The following TLN1 variants were observed in gnomAD, a reference collection of about 807,000 sequenced individuals.
The protein encoded by TLN1 is talin 1.
In TLN1, 56 loss-of-function variants were observed where a neutral mutation model predicts 292.3. The observed-to-expected ratio is 0.19, with a 90% confidence interval of 0.15 to 0.24. TLN1 has a LOEUF of 0.24. Ranked by LOEUF, TLN1 falls within the 10% of genes least tolerant of loss-of-function variation. The pLI is 1.00. For synonymous variants in TLN1, 1,119 were observed against 1,253.7 expected (o/e 0.89, Z 2.27); for missense variants, 2,433 against 3,248.2 (o/e 0.75, Z 6.10).
intron 48 of TLN1, 53 bp from the exon 49 acceptor site, chr9:35,700,429 A>T: frequency 6.5e-7 from 1 of 1,536,344 alleles, no homozygotes; most frequent in Non-Finnish European, 8.8e-7. Context: ...ACTATGAGAC[A>T]GCGTAGAACT....
rs767185629 is a variant in TLN1, at chr9:35,708,300, C to T, written c.4470+41G>A. Reference sequence around the variant, plus strand: ...CTCTACTCCACGGGGTCGGTCTGCCCTTTCCCAGACTCGCCTGTGGTCCCT... The same window carrying T: ...CTCTACTCCACGGGGTCGGTCTGCCTTTTCCCAGACTCGCCTGTGGTCCCT... On this transcript the variant is annotated intron_variant, in intron 34 of 56. Coordinates refer to ENST00000314888, the MANE Select transcript of TLN1 (RefSeq NM_006289.4). 2.8e-5 allele frequency: 44 copies of T among 1,554,102 alleles called. 4 individuals carry two copies. The Middle Eastern group carries it at 1.0e-3, about 35-fold the overall frequency.
chr9:35,714,622 G>T lies in TLN1; in HGVS notation c.2937C>A (p.Ser979Arg), dbSNP rs756617846. The T allele has an allele frequency of 6.2e-7, 1 of 1,613,332 alleles. No homozygotes were observed. The highest frequency in any genetic ancestry group is 2.2e-5 in the East Asian group (1 of 44,888). Reference sequence around the variant, plus strand: ...CAATGAGGGCAAGCTGAGCGCTGGGGCTGTCAGGCTGGGCTTGGCTTCCTC... The same window carrying T: ...CAATGAGGGCAAGCTGAGCGCTGGGTCTGTCAGGCTGGGCTTGGCTTCCTC... The part of the protein sequence containing the change: ...GVRGSQAQPD[S>R]PSAQLALIAA... The change falls in exon 23 of 57, where the codon AGC (serine) becomes AGA (arginine). Residue 979 changes from serine to arginine, a missense_variant. Transcript: ENST00000314888. This position sits in a 1 kb window ranked among gnomAD's most constrained non-coding sequence, Gnocchi z 4.6.
chr9:35,704,588 G>A lies in TLN1; in HGVS notation c.5880+81C>T. ...CCTGGGAGAAGTGACAACAGGAGAGGGCTGAGAGGGCTGGAGGAGGATGGC... is the reference window on the plus strand; with the variant it reads ...CCTGGGAGAAGTGACAACAGGAGAGAGCTGAGAGGGCTGGAGGAGGATGGC... On this transcript the variant is annotated intron_variant, in intron 44 of 56. Transcript: ENST00000314888. The surrounding 1 kb of genome is among the most constrained non-coding windows in gnomAD (Gnocchi z 6.9). The A allele has an allele frequency of 6.3e-7, 1 of 1,593,522 alleles. No homozygotes were observed. Among genetic ancestry groups the A allele is most frequent in the Non-Finnish European group, 8.6e-7 (1 of 1,168,518 alleles).
At chr9:35,729,732 C>T (rs1469511168) in intron 1 of TLN1, among the ~76,000 whole-genome samples, 1 of 152,146 alleles carries the variant, frequency 6.6e-6, no homozygotes, top group Non-Finnish European at 1.5e-5. Context: ...AGTCCCACAG[C>T]TTCCTATCAT....
chr9:35,715,564 A>G lies in TLN1; in HGVS notation c.2626-377T>C, dbSNP rs994803271. Among the ~76,000 whole-genome samples, 4 of 152,244 alleles carry G rather than the reference A, an allele frequency of 2.6e-5. No homozygotes were observed. In the East Asian group the frequency reaches 5.8e-4, roughly 22 times the overall value. On this transcript the variant is annotated intron_variant, in intron 20 of 56. Transcript: ENST00000314888. Reference sequence around the variant, plus strand: ...TTACTCCTGCCAACTGAAAAGCCCCAGAGTCCAGGGGGCCTAGGAATCATC... The same window carrying G: ...TTACTCCTGCCAACTGAAAAGCCCCGGAGTCCAGGGGGCCTAGGAATCATC...
intron 48 of TLN1, 41 bp downstream of exon 48, chr9:35,703,519 C>G: frequency 6.4e-7 from 1 of 1,565,988 alleles, no homozygotes; most frequent in Non-Finnish European, 8.8e-7. Flanking sequence ...CAGGATCCCT[C>G]TCTCTGACCC....
At chr9:35,716,906 C>T (rs571199632) in intron 19 of TLN1, among the ~76,000 whole-genome samples, 21 of 152,214 alleles carry the variant, frequency 1.4e-4, no homozygotes, top group African/African-American at 3.9e-4. Flanking sequence ...TATTTTTGTG[C>T]GTACTTTGGT....
Position 35,725,573 on chromosome 9 carries a change from G to A in TLN1, c.122C>T (p.Ala41Val), listed in dbSNP as rs1362657311. 1 of 1,613,072 alleles carries A rather than the reference G, an allele frequency of 6.2e-7. No homozygotes were observed. The highest frequency in any genetic ancestry group is 8.5e-7 in the Non-Finnish European group (1 of 1,179,436). Residue 41 changes from alanine to valine, a missense_variant, in exon 2 of 57, where the codon GCT (alanine) becomes GTT (valine). By Grantham distance (64) the Ala-to-Val change is moderately conservative (BLOSUM62 0). Around this residue, in one of 7 missense-constraint regions of TLN1, gnomAD observed 155 missense variants for 287.9 expected, o/e 0.54. Coordinates refer to ENST00000314888, the MANE Select transcript of TLN1 (RefSeq NM_006289.4). ...IIRERIPEAPAGPPSDFGLFL... is the reference protein window; with the variant it reads ...IIRERIPEAPVGPPSDFGLFL... ...GGGGGAGTCAGACTCACGAGGACCA[G>A]CTGGGGCCTCTGGGATCCGCTCACG... is the stretch of plus-strand genomic sequence containing the variant.
chr9:35,706,240 G>A lies in TLN1; in HGVS notation c.5317C>T (p.Leu1773=). The change falls in exon 40 of 57, where the codon CTG becomes TTG. Residue 1773 remains leucine (L), a synonymous_variant. Transcript: ENST00000314888. This position sits in a 1 kb window ranked among gnomAD's most constrained non-coding sequence, Gnocchi z 4.2. The part of the protein sequence containing the change: ...DQTKTLAESA[L]QLLYTAKEAG... Reference sequence around the variant, plus strand: ...TCCTTGGCAGTGTATAGCAACTGCAGGGCAGACTCTGCCAATGTTTTAGTC... The same window carrying A: ...TCCTTGGCAGTGTATAGCAACTGCAAGGCAGACTCTGCCAATGTTTTAGTC... 1.9e-6 allele frequency: 3 copies of A among 1,612,410 alleles called. No homozygotes were observed. The highest frequency in any genetic ancestry group is 1.3e-5 in the African/African-American group (1 of 75,046).
At position 35,708,346 on chromosome 9, in the gene TLN1, C is replaced by T. The variant is rs1157769681; in HGVS notation, c.4465G>A (p.Ala1489Thr). Residue 1489 changes from alanine to threonine, a missense_variant, in exon 34 of 57, where the codon GCC (alanine) becomes ACC (threonine). Around this residue, in one of 7 missense-constraint regions of TLN1, gnomAD observed 1,384 missense variants for 1,699.6 expected, o/e 0.81. Transcript: ENST00000314888. ...TCCCTGTTCCCTTGAGTTACCTGGGCCTGGGTACAGCCAGGCTCTCCCAAA... is the reference window on the plus strand; with the variant it reads ...TCCCTGTTCCCTTGAGTTACCTGGGTCTGGGTACAGCCAGGCTCTCCCAAA... ...QSLGEPGCTQAQVLSAATIVA... is the reference protein window; with the variant it reads ...QSLGEPGCTQTQVLSAATIVA... The T allele has an allele frequency of 6.2e-7, 1 of 1,604,400 alleles. No individual in the cohort carries two copies. Among genetic ancestry groups the T allele is most frequent in the Admixed American group, 1.7e-5 (1 of 58,678 alleles).
intron 9 of TLN1, 33 bp from the exon 10 acceptor site, chr9:35,721,836 G>A (rs1211018101): frequency 6.2e-7 from 1 of 1,600,516 alleles, no homozygotes; most frequent in Non-Finnish European, 8.6e-7. Flanking sequence ...GGTGTTACAG[G>A]TCAGAGGTCA....
rs950330552 is a variant in TLN1 at position 35,710,980 on chromosome 9, T to C, written c.4113+9A>G. The C allele has an allele frequency of 1.9e-6, 3 of 1,614,138 alleles. No individual in the cohort carries two copies. The highest frequency in any genetic ancestry group is 1.7e-5 in the Admixed American group (1 of 60,020). The stretch of plus-strand genomic sequence containing the variant: ...CAACCTCAATGCCATCAGCCTGCCA[T>C]GTGTCTACCTCCAATTCCCGCAGGG... On this transcript the variant is annotated intron_variant, in intron 31 of 56. Coordinates refer to ENST00000314888, the MANE Select transcript of TLN1 (RefSeq NM_006289.4).
chr9:35,730,505 A>ATGGGAGTAGGGGGGG, intron 1 of TLN1, among the ~76,000 whole-genome samples: 1 of 152,018 alleles, frequency 6.6e-6, no homozygotes, highest in African/African-American at 2.4e-5. Context: ...ACAGCAGGGG[A>ATGGGAGTAGGGGGGG]TGGGAGTAGG....
chr9:35,710,451 T>C, intron 33 of TLN1, 110 bp downstream of exon 33: 3 of 1,464,316 alleles, frequency 2.0e-6, no homozygotes, highest in Non-Finnish European at 2.7e-6. Context: ...TTCCATAGAG[T>C]TGGCTTTGCA....
rs1245395603 is a variant in TLN1, at chr9:35,713,291, T to C, written c.3257A>G (p.Lys1086Arg). 1.3e-6 allele frequency: 2 copies of C among 1,588,758 alleles called. No homozygotes were observed. The highest frequency in any genetic ancestry group is 8.6e-7 in the Non-Finnish European group (1 of 1,159,046). ...GCTGTTGCCCAGGTCCTGGGTACACTTCTCCATCTAAGGATGAAGGGGGAA... is the reference window on the plus strand; with the variant it reads ...GCTGTTGCCCAGGTCCTGGGTACACCTCTCCATCTAAGGATGAAGGGGGAA... ...LKPLPGETMEKCTQDLGNSTK... is the reference protein window; with the variant it reads ...LKPLPGETMERCTQDLGNSTK... The change falls in exon 26 of 57, where the codon AAG (lysine) becomes AGG (arginine). Residue 1086 changes from lysine to arginine, a missense_variant. Physicochemically the swap from Lys to Arg is conservative, Grantham distance 26 (BLOSUM62 2). This residue lies in a region of TLN1 where 1,384 missense variants were observed against 1,699.6 expected (regional missense o/e 0.81). Transcript: ENST00000314888.
At chr9:35,730,341 G>A (rs1826051782) in intron 1 of TLN1, among the ~76,000 whole-genome samples, 1 of 151,310 alleles carries the variant, frequency 6.6e-6, no homozygotes, top group Non-Finnish European at 1.5e-5. Context: ...TGGGAGTGAA[G>A]TGGGGGTGTG....
Position 35,704,289 on chromosome 9 carries a change from GC to G in TLN1, c.6047+42del, listed in dbSNP as rs752160659. The G allele has an allele frequency of 1.3e-6, 2 of 1,598,848 alleles. No individual in the cohort carries two copies. Among genetic ancestry groups the G allele is most frequent in the South Asian group, 2.3e-5 (2 of 87,996 alleles). The stretch of plus-strand genomic sequence containing the variant: ...GCTATCCTGCCTCTTCCAGCCCCGT[GC>G]CCCGACCTGTCTGCCTCCCTTAGGC... On this transcript the variant is annotated intron_variant, in intron 45 of 56. Transcript: ENST00000314888. This position sits in a 1 kb window ranked among gnomAD's most constrained non-coding sequence, Gnocchi z 6.9.
In TLN1 at chr9:35,699,628, C is replaced by G. The variant is rs1346839395; in HGVS notation, c.6769-167G>C. 1.0e-6 allele frequency: 1 copy of G among 985,382 alleles called. No individual in the cohort carries two copies. The highest frequency in any genetic ancestry group is 1.1e-4 in the East Asian group (1 of 8,808). The allele number at this position is 985,382 out of a possible 1,614,324, so 61.0% of individuals were successfully genotyped here. ...CAAGTACACATCATGCATCACACCTCACACGTGATAGAGACAGTGGGGCTG... is the reference window on the plus strand; with the variant it reads ...CAAGTACACATCATGCATCACACCTGACACGTGATAGAGACAGTGGGGCTG... On this transcript the variant is annotated intron_variant, in intron 50 of 56. Transcript: ENST00000314888. The surrounding 1 kb of genome is among the most constrained non-coding windows in gnomAD (Gnocchi z 4.0).
At position 35,707,061 on chromosome 9, in the gene TLN1, T is replaced by C. The variant is rs756297816; in HGVS notation, c.4955+11A>G. The C allele has an allele frequency of 6.2e-7, 1 of 1,611,142 alleles. No homozygotes were observed. The highest frequency in any genetic ancestry group is 1.1e-5 in the South Asian group (1 of 90,788). On this transcript the variant is annotated intron_variant, in intron 37 of 56. Transcript: ENST00000314888. This position sits in a 1 kb window ranked among gnomAD's most constrained non-coding sequence, Gnocchi z 5.6. ...GCCCCCCAGCCACACTGGTTCCCCATCCCTCAATACCTCATGCTTGTAATT... is the reference window on the plus strand; with the variant it reads ...GCCCCCCAGCCACACTGGTTCCCCACCCCTCAATACCTCATGCTTGTAATT...
Sources: allele counts gnomAD v4.1 joint callset (sites outside exome capture counted in the v4.1 genomes callset), GRCh38; gene constraint gnomAD v4.1.1; regional missense constraint gnomAD v4.1.1; non-coding constraint Gnocchi (gnomAD v3.1); transcripts MANE v1.5; gene names NCBI Gene and HGNC (gene_info 2026-07-23, HGNC 2026-07-21).